Variants in PAFAH2 observed in about 807,000 individuals in gnomAD.
PAFAH2 encodes platelet-activating factor acetylhydrolase 2, cytoplasmic.
In PAFAH2, 42 loss-of-function variants were observed where a neutral mutation model predicts 49.0. That is an observed-to-expected ratio of 0.86 (90% CI 0.67 to 1.11). The LOEUF (loss-of-function observed/expected upper bound fraction) is 1.11, where lower values mean the gene tolerates loss of function less well. PAFAH2 is among the 50% of genes least tolerant of loss of function. The pLI is 0.00. For synonymous variants in PAFAH2, 184 were observed against 181.3 expected, an observed-to-expected ratio of 1.01 and a Z score of -0.12; for missense variants, 503 against 501.8, an observed-to-expected ratio of 1.00 and a Z score of -0.02.
intron 8 of PAFAH2, among the ~76,000 whole-genome samples, chr1:25,976,153 GT>G (rs535776072): frequency 4.6e-5 from 7 of 151,554 alleles, no homozygotes; most frequent in Non-Finnish European, 1.0e-4. Context: ...TCTTTTTTCT[GT>G]TTTTTTTGAG....
chr1:25,994,975 G>A (rs897005229), intron 1 of PAFAH2, among the ~76,000 whole-genome samples: 1 of 152,200 alleles, frequency 6.6e-6, no homozygotes, highest in African/African-American at 2.4e-5. Context: ...AGGATGGAGA[G>A]ATGGAAAAAT....
chr1:25,971,451 A>G (rs1485687224), intron 10 of PAFAH2, among the ~76,000 whole-genome samples: 2 of 152,230 alleles, frequency 1.3e-5, no homozygotes, highest in Non-Finnish European at 2.9e-5. Flanking sequence ...GAGTGGTTCA[A>G]GCCGAGTGAA....
intron 2 of PAFAH2, 152 bp downstream of exon 2, chr1:25,990,575 A>T: frequency 1.7e-6 from 1 of 598,262 alleles, no homozygotes; most frequent in Non-Finnish European, 3.0e-6. Context: ...GAAAAAGCTC[A>T]GGAAGACAGA....
rs201703484 is a variant in PAFAH2, at chr1:25,983,556, C to CA, written c.552+389dup. Reference sequence around the variant, plus strand: ...TGGGCGACAGAGCAAGATCCTGTCTCAAAAACAAAAAAAAAAACAACTTAT... The same window carrying CA: ...TGGGCGACAGAGCAAGATCCTGTCTCAAAAAACAAAAAAAAAAACAACTTAT... On this transcript the variant is annotated intron_variant, in intron 6 of 10. Transcript: ENST00000374282. Among the ~76,000 whole-genome samples the CA allele has an allele frequency of 7.9e-4, 51 of 64,296 alleles. 6 individuals carry two copies. Among genetic ancestry groups the CA allele is most frequent in the Non-Finnish European group, 1.0e-3 (24 of 23,062 alleles). The allele number at this position is 64,296 out of a possible 152,430, so 42.2% of individuals were successfully genotyped here.
intron 9 of PAFAH2, among the ~76,000 whole-genome samples, chr1:25,974,128 A>G (rs551367857): frequency 6.6e-6 from 1 of 152,228 alleles, no homozygotes; most frequent in African/African-American, 2.4e-5. Context: ...CCATATTCAC[A>G]CTCTTCCAAA....
At chr1:25,978,601 A>G (rs1014358162) in intron 7 of PAFAH2, among the ~76,000 whole-genome samples, 2 of 152,222 alleles carry the variant, frequency 1.3e-5, no homozygotes, top group Non-Finnish European at 2.9e-5. Context: ...AATGTGAGCA[A>G]AAGTGATATC....
chr1:25,984,331 T>G, intron 5 of PAFAH2, 129 bp downstream of exon 5: 1 of 817,288 alleles, frequency 1.2e-6, no homozygotes. Context: ...CTTGGTTTTC[T>G]CTCCTTTAAA....
chr1:25,972,602 T>C lies in PAFAH2; in HGVS notation c.1040A>G (p.Glu347Gly), dbSNP rs746569022. ...GGCCAACATGGCCCGTACCATAACCTCCTGCCCTTCATAGGGGTCCAGGCT... is the reference window on the plus strand; with the variant it reads ...GGCCAACATGGCCCGTACCATAACCCCCTGCCCTTCATAGGGGTCCAGGCT... The part of the protein sequence containing the change: ...RGSLDPYEGQ[E>G]VMVRAMLAFL... The change falls in exon 10 of 11, where the codon GAG becomes GGG. Residue 347 changes from glutamate to glycine, a missense_variant. Transcript: ENST00000374282. 3.1e-6 allele frequency: 5 copies of C among 1,613,758 alleles called. No homozygotes were observed. The East Asian group carries it at 1.1e-4, about 36-fold the overall frequency.
intron 8 of PAFAH2, among the ~76,000 whole-genome samples, chr1:25,975,111 T>C (rs1301092901): frequency 6.6e-6 from 1 of 152,202 alleles, no homozygotes; most frequent in African/African-American, 2.4e-5. Flanking sequence ...CAAGGTTCTA[T>C]GTGAGGTCAG....
intron 6 of PAFAH2, 27 bp downstream of exon 6, chr1:25,983,919 C>G: frequency 6.2e-7 from 1 of 1,613,218 alleles, no homozygotes; most frequent in East Asian, 2.2e-5. Context: ...CTCATTAACT[C>G]TCCCTCCCCA....
rs2049865420 is a variant in PAFAH2 at position 25,991,041 on chromosome 1, G to T, written c.-47-178C>A. 4 of 492,638 alleles carry T rather than the reference G, an allele frequency of 8.1e-6. No homozygotes were observed. The South Asian group carries it at 1.0e-4, about 13-fold the overall frequency. 30.5% of individuals were successfully genotyped at this position (492,638 alleles called of 1,614,324 possible). A position where few individuals can be genotyped will look rare whatever the true frequency, so the allele number is the denominator to read the frequency against. On this transcript the variant is annotated intron_variant, in intron 1 of 10. Transcript: ENST00000374282. ...ATTGCCTTTGCCAAGGTTGGGGGTTGTTTTTTATTTTGCTAGGGTGAGGAG... is the reference window on the plus strand; with the variant it reads ...ATTGCCTTTGCCAAGGTTGGGGGTTTTTTTTTATTTTGCTAGGGTGAGGAG...
chr1:25,968,857 A>C (rs1239362863), intron 10 of PAFAH2, among the ~76,000 whole-genome samples: 1 of 151,916 alleles, frequency 6.6e-6, no homozygotes, highest in East Asian at 1.9e-4. Context: ...AGCCTCCTAA[A>C]ATGCTGGGAT....
chr1:25,973,901 A>C (rs1183407302), intron 9 of PAFAH2, among the ~76,000 whole-genome samples: 1 of 152,228 alleles, frequency 6.6e-6, no homozygotes, highest in Non-Finnish European at 1.5e-5. Flanking sequence ...CCACATGTGG[A>C]ACATTTCTTA....
chr1:25,989,354 A>C, intron 3 of PAFAH2, 94 bp downstream of exon 3: 1 of 1,166,958 alleles, frequency 8.6e-7, no homozygotes, highest in Non-Finnish European at 1.2e-6. Context: ...AAGCCTGGAC[A>C]CTGCAGGCTA....
At chr1:25,968,564 C>T (rs184785920) in intron 10 of PAFAH2, among the ~76,000 whole-genome samples, 1 of 152,192 alleles carries the variant, frequency 6.6e-6, no homozygotes, top group African/African-American at 2.4e-5. Context: ...AAGATCATAT[C>T]CCCAGAACAG....
intron 4 of PAFAH2, among the ~76,000 whole-genome samples, chr1:25,987,981 T>C (rs2049808030): frequency 6.6e-6 from 1 of 152,190 alleles, no homozygotes; most frequent in Non-Finnish European, 1.5e-5. Flanking sequence ...GCTAAAAGTG[T>C]TTATTTATAT....
At position 25,995,380 on chromosome 1, in the gene PAFAH2, T is replaced by C. The variant is rs141799987; in HGVS notation, c.-48+2645A>G. Reference sequence around the variant, plus strand: ...TCTAGATCTTAGGTTCCTGAACCTATTGTCACAATCACCTGGGAAGCTTTT... The same window carrying C: ...TCTAGATCTTAGGTTCCTGAACCTACTGTCACAATCACCTGGGAAGCTTTT... On this transcript the variant is annotated intron_variant, in intron 1 of 10. Coordinates refer to ENST00000374282, the MANE Select transcript of PAFAH2 (RefSeq NM_000437.4). Among the ~76,000 whole-genome samples the C allele has an allele frequency of 3.7e-3, 563 of 152,330 alleles. 4 individuals carry two copies. The highest frequency in any genetic ancestry group is 0.013 in the African/African-American group (541 of 41,568).
intron 10 of PAFAH2, among the ~76,000 whole-genome samples, chr1:25,967,483 GA>G (rs1405858378): frequency 6.6e-6 from 1 of 152,104 alleles, no homozygotes; most frequent in Non-Finnish European, 1.5e-5. Flanking sequence ...CAAACATGGA[GA>G]TAGGGGGAAG....
intron 7 of PAFAH2, among the ~76,000 whole-genome samples, chr1:25,978,614 T>A (rs559685474): frequency 6.6e-6 from 1 of 152,332 alleles, no homozygotes; most frequent in African/African-American, 2.4e-5. Flanking sequence ...GTGATATCTC[T>A]ACTTCCAGAC....
Sources: gnomAD v4.1 joint callset for allele counts (sites outside exome capture counted in the v4.1 genomes callset) on GRCh38, gnomAD v4.1.1 for gene constraint, MANE v1.5 for transcripts, NCBI Gene and HGNC (gene_info 2026-07-23, HGNC 2026-07-21) for gene names.